Variants in FBXO42 observed in about 807,000 individuals in gnomAD.
FBXO42 encodes the protein F-box only protein 42.
In FBXO42, 12 loss-of-function variants were observed where a neutral mutation model predicts 71.7. That is an observed-to-expected ratio of 0.17 (90% confidence interval 0.11 to 0.27). The LOEUF is 0.27. Ranked by LOEUF, FBXO42 falls within the 10% of genes least tolerant of loss-of-function variation. The pLI, the probability that FBXO42 is intolerant of heterozygous loss-of-function variation, is 1.00. For missense variants in FBXO42, 707 were observed against 911.9 expected, an observed-to-expected ratio of 0.78 and a Z score of 2.89; for synonymous variants, 325 against 327.5, an observed-to-expected ratio of 0.99 and a Z score of 0.08.
At chr1:16,259,257 C>T (rs1338463221) in intron 4 of FBXO42, among the ~76,000 whole-genome samples, 2 of 152,166 alleles carry the variant, frequency 1.3e-5, no homozygotes, top group African/African-American at 4.8e-5. Flanking sequence ...AACTATTGCT[C>T]TAAAATAATT....
rs1341090094 is a variant in FBXO42 at position 16,252,517 on chromosome 1, T to G, written c.922-113A>C. ...TGTCTGGTCTTGAAAGGATGTGGAC[T>G]CTTCAGAAGGATAGCAAAATCCTCA... is the stretch of plus-strand genomic sequence containing the variant. On this transcript the variant is annotated intron_variant, in intron 8 of 9. Transcript: ENST00000375592. The surrounding 1 kb of genome is among the most constrained non-coding windows in gnomAD (Gnocchi z 4.4). 2.2e-5 allele frequency: 17 copies of G among 782,982 alleles called. No individual in the cohort carries two copies. Among genetic ancestry groups the G allele is most frequent in the Non-Finnish European group, 3.2e-5 (15 of 471,404 alleles). The allele number at this position is 782,982 out of a possible 1,614,324, so 48.5% of individuals were successfully genotyped here.
Position 16,250,745 on chromosome 1 carries a change from T to A in FBXO42, c.2079A>T (p.Gly693=). The A allele has an allele frequency of 6.2e-7, 1 of 1,614,124 alleles. No homozygotes were observed. Among genetic ancestry groups the A allele is most frequent in the Non-Finnish European group, 8.5e-7 (1 of 1,180,030 alleles). ...QGRGELIIFG[G]LMDKKQNVKY... is the part of the protein sequence containing the mutation. ...TCACATTCTGTTTCTTGTCCATGAG[T>A]CCTCCAAATATGATGAGTTCACCCC... Residue 693 remains glycine (G), a synonymous_variant, in exon 10 of 10, where the codon GGA becomes GGT. Transcript: ENST00000375592. This position sits in a 1 kb window ranked among gnomAD's most constrained non-coding sequence, Gnocchi z 4.7.
chr1:16,299,940 G>A (rs2082174025), intron 3 of FBXO42, among the ~76,000 whole-genome samples: 1 of 152,146 alleles, frequency 6.6e-6, no homozygotes, highest in African/African-American at 2.4e-5. Context: ...ACCATGCCCG[G>A]CCACACTCAA....
chr1:16,350,191 A>G (rs935313959), intron 1 of FBXO42, among the ~76,000 whole-genome samples: 2 of 152,174 alleles, frequency 1.3e-5, no homozygotes, highest in Non-Finnish European at 2.9e-5. Context: ...TCTGGAGAGC[A>G]AATGATGTCA....
intron 4 of FBXO42, among the ~76,000 whole-genome samples, chr1:16,264,140 G>C (rs2081747389): frequency 6.6e-6 from 1 of 152,172 alleles, no homozygotes; most frequent in African/African-American, 2.4e-5. Flanking sequence ...AGTAGCCGTA[G>C]ATAAAATGTC....
intron 1 of FBXO42, among the ~76,000 whole-genome samples, chr1:16,321,879 C>T (rs2082411720): frequency 6.6e-6 from 1 of 152,064 alleles, no homozygotes; most frequent in African/African-American, 2.4e-5. Flanking sequence ...ATAGAAATTA[C>T]ATCATTAGGC....
intron 3 of FBXO42, among the ~76,000 whole-genome samples, chr1:16,301,670 CA>C (rs1242029876): frequency 5.8e-4 from 39 of 67,380 alleles, no homozygotes; most frequent in Admixed American, 1.4e-3. Context: ...GACCCCATCT[CA>C]AAAAAAAAAA....
rs572084023 is a variant in FBXO42, at chr1:16,352,369, G to C, written c.-132C>G. 3.3e-5 allele frequency: 13 copies of C among 398,434 alleles called. No homozygotes were observed. Among genetic ancestry groups the C allele is most frequent in the African/African-American group, 2.3e-4 (11 of 48,738 alleles). The allele number at this position is 398,434 out of a possible 1,614,324, so 24.7% of individuals were successfully genotyped here. ...CCTCAGGCCGCGACAGCCGTGCTCG[G>C]GGCTCCTCACAGCTGGCGGGACCCC... is the stretch of plus-strand genomic sequence containing the variant. On this transcript the variant is annotated 5_prime_UTR_variant, in exon 1 of 10. Transcript: ENST00000375592.
At position 16,352,415 on chromosome 1, in the gene FBXO42, C is replaced by G. The variant is rs1047676622; in HGVS notation, c.-178G>C. The G allele has an allele frequency of 2.5e-6, 1 of 399,786 alleles. No individual in the cohort carries two copies. 24.8% of individuals were successfully genotyped at this position (399,786 alleles called of 1,614,324 possible). On this transcript the variant is annotated 5_prime_UTR_variant, in exon 1 of 10. Transcript: ENST00000375592. ...ACCCCGAGCCGCCCGGAGCCGCCAT[C>G]TTCCTCCACTCAAACGCCGCCGCCG...
intron 1 of FBXO42, among the ~76,000 whole-genome samples, chr1:16,327,084 C>T (rs2082458542): frequency 6.6e-6 from 1 of 152,182 alleles, no homozygotes; most frequent in Non-Finnish European, 1.5e-5. Context: ...AGAGCAGAGA[C>T]TAAGCCATAT....
intron 3 of FBXO42, among the ~76,000 whole-genome samples, chr1:16,297,298 T>C (rs1038201512): frequency 1.3e-5 from 2 of 151,958 alleles, no homozygotes; most frequent in African/African-American, 4.8e-5. Flanking sequence ...CCCCTGGGAC[T>C]CTCTACGGTA....
At position 16,247,646 on chromosome 1, in the gene FBXO42, A is replaced by C. The variant is rs1388728559; in HGVS notation, c.*3024T>G. ...CTGTAAAACTCGAACATTAAAATCAAATCAATCCACAGACAGCTGGGAGGA... is the reference window on the plus strand; with the variant it reads ...CTGTAAAACTCGAACATTAAAATCACATCAATCCACAGACAGCTGGGAGGA... On this transcript the variant is annotated 3_prime_UTR_variant, in exon 10 of 10. Coordinates refer to ENST00000375592, the MANE Select transcript of FBXO42 (RefSeq NM_018994.3). The C allele has an allele frequency of 6.6e-6, 1 of 152,188 alleles. No individual in the cohort carries two copies. The highest frequency in any genetic ancestry group is 1.9e-4 in the East Asian group (1 of 5,192). 9.4% of individuals were successfully genotyped at this position (152,188 alleles called of 1,614,324 possible).
chr1:16,319,811 T>C (rs980865390), intron 1 of FBXO42, among the ~76,000 whole-genome samples: 19 of 151,698 alleles, frequency 1.3e-4, no homozygotes, highest in Middle Eastern at 3.4e-3. Context: ...CTCGGGAGGC[T>C]AAGGCAGGAG....
intron 4 of FBXO42, among the ~76,000 whole-genome samples, chr1:16,265,780 T>TA (rs35779272): frequency 0.015 from 2,161 of 142,818 alleles, 20 homozygotes; most frequent in African/African-American, 0.035. Flanking sequence ...AAGTCCCTAT[T>TA]AAAAAAAAAA....
intron 3 of FBXO42, among the ~76,000 whole-genome samples, chr1:16,296,133 G>A (rs1161745262): frequency 1.3e-5 from 2 of 152,108 alleles, no homozygotes; most frequent in African/African-American, 4.8e-5. Flanking sequence ...TGCCCCTTGC[G>A]GTCTCTATCC....
intron 4 of FBXO42, among the ~76,000 whole-genome samples, chr1:16,259,449 A>C (rs1184525587): frequency 6.6e-6 from 1 of 152,192 alleles, no homozygotes; most frequent in Non-Finnish European, 1.5e-5. Context: ...GGCTTAAAGA[A>C]ATTATAAATG....
rs2082710892 is a variant in FBXO42, at chr1:16,352,377, C to T, written c.-140G>A. ...CGCGACAGCCGTGCTCGGGGCTCCTCACAGCTGGCGGGACCCCGAGCCGCC... is the reference window on the plus strand; with the variant it reads ...CGCGACAGCCGTGCTCGGGGCTCCTTACAGCTGGCGGGACCCCGAGCCGCC... On this transcript the variant is annotated 5_prime_UTR_variant, in exon 1 of 10. An upstream open reading frame in the 5' UTR loses its in-frame stop. Transcript: ENST00000375592. The T allele has an allele frequency of 2.5e-6, 1 of 398,820 alleles. No homozygotes were observed. Among genetic ancestry groups the T allele is most frequent in the Non-Finnish European group, 4.4e-6 (1 of 226,314 alleles). The allele number at this position is 398,820 out of a possible 1,614,324, so 24.7% of individuals were successfully genotyped here.
chr1:16,284,136 G>A (rs2081996400), intron 4 of FBXO42, among the ~76,000 whole-genome samples: 1 of 152,136 alleles, frequency 6.6e-6, no homozygotes, highest in South Asian at 2.1e-4. Context: ...AAGAATTAAG[G>A]TGTTACCTTC....
chr1:16,336,238 T>A (rs934509444), intron 1 of FBXO42, among the ~76,000 whole-genome samples: 5 of 151,136 alleles, frequency 3.3e-5, no homozygotes, highest in African/African-American at 9.7e-5. Context: ...GCGTCTGGCC[T>A]AATCTTACTT....
Sources: gnomAD v4.1 joint callset for allele counts (sites outside exome capture counted in the v4.1 genomes callset) on GRCh38, gnomAD v4.1.1 for gene constraint, Gnocchi (gnomAD v3.1) non-coding constraint, MANE v1.5 for transcripts, NCBI Gene and HGNC (gene_info 2026-07-23, HGNC 2026-07-21) for gene names.